Variants in IRF7 observed in about 807,000 individuals in gnomAD.
The protein encoded by IRF7 is interferon regulatory factor-7H.
IRF7 carries 67 observed loss-of-function variants against 51.3 expected under a neutral mutation model. The ratio of observed to expected loss-of-function variants is 1.31; its 90% CI spans 1.07 to 1.60. The LOEUF is 1.60. Among genes scored for constraint, IRF7 ranks in the 40% most tolerant of loss-of-function variants. The pLI, the probability that IRF7 is intolerant of heterozygous loss-of-function variation, is 0.00. For missense variants in IRF7, 873 were observed against 701.5 expected, an observed-to-expected ratio of 1.24 and a Z score of -2.76; for synonymous variants, 427 against 301.3, an observed-to-expected ratio of 1.42 and a Z score of -4.32.
intron 8 of IRF7, 63 bp from the exon 9 acceptor site, chr11:613,658 TGGGCGGGGAC>T (rs1856593787): frequency 5.1e-6 from 1 of 197,664 alleles, no homozygotes; most frequent in Non-Finnish European, 8.0e-6. Context: ...GTGACGGGGG[TGGGCGGGGAC>T]AGGATGTGAG....
At position 613,113 on chromosome 11, in the gene IRF7, C is replaced by G; in HGVS notation, c.1242G>C (p.Leu414=). 6.2e-7 allele frequency: 1 copy of G among 1,612,902 alleles called. No homozygotes were observed. Among genetic ancestry groups the G allele is most frequent in the Non-Finnish European group, 8.5e-7 (1 of 1,179,888 alleles). ...IFDFRVFFQE[L]VEFRARQRRG... is the part of the protein sequence containing the mutation. ...GGCGCTGCCGTGCCCGGAATTCCAC[C>G]AGCTCTGAAGAAGGGGACTCTGCTG... Residue 414 remains leucine, a synonymous_variant, in exon 10 of 11, where the codon CTG becomes CTC. Coordinates refer to ENST00000525445, the MANE Select transcript of IRF7 (RefSeq NM_001572.5).
rs750744211 is a variant in IRF7, at chr11:614,527, T to C, written c.402A>G (p.Pro134=). Residue 134 remains proline, a synonymous_variant, in exon 5 of 11, where the codon CCA becomes CCG. Transcript: ENST00000525445. ...LSRELCWREG[P]GTDQTEAEAP... is the part of the protein sequence containing the mutation. ...CCTCTGCCTCAGTCTGGTCCGTGCC[T>C]GGGCCTTCTGAGAGAGAATGGGGCA... 1.4e-5 allele frequency: 22 copies of C among 1,553,840 alleles called. No homozygotes were observed. The Admixed American group carries it at 3.7e-4, about 26-fold the overall frequency.
In IRF7 at chr11:613,186, C is replaced by G. The variant is rs1425489891; in HGVS notation, c.1237+20G>C. On this transcript the variant is annotated intron_variant, in intron 9 of 10. Transcript: ENST00000525445. ...CCAAGGACCCCTGGAGACAGCCCCC[C>G]AGGCAAGGGCCTCACTGACCTTGGA... is the stretch of plus-strand genomic sequence containing the variant. 2 of 1,593,254 alleles carry G rather than the reference C, an allele frequency of 1.3e-6. No individual in the cohort carries two copies. Among genetic ancestry groups the G allele is most frequent in the South Asian group, 1.1e-5 (1 of 89,666 alleles).
chr11:612,570 T>A lies in IRF7; in HGVS notation c.*75A>T. 6.4e-7 allele frequency: 1 copy of A among 1,556,360 alleles called. No individual in the cohort carries two copies. Among genetic ancestry groups the A allele is most frequent in the Non-Finnish European group, 8.8e-7 (1 of 1,142,710 alleles). On this transcript the variant is annotated 3_prime_UTR_variant, in exon 11 of 11. Transcript: ENST00000525445. Reference sequence around the variant, plus strand: ...TGCCAGTACGTGTTCTGGAGTTCTTTTTATTAGACTGGGCGGCCGCGGCCA... The same window carrying A: ...TGCCAGTACGTGTTCTGGAGTTCTTATTATTAGACTGGGCGGCCGCGGCCA...
Position 615,453 on chromosome 11 carries a change from C to T in IRF7, c.-89G>A. On this transcript the variant is annotated 5_prime_UTR_variant, in exon 2 of 11. Transcript: ENST00000525445. Reference sequence around the variant, plus strand: ...TGTCGCAGCAGACGCCAGGCCGCGGCCACAGGTCGTGTGGCCAGGTGTCAC... The same window carrying T: ...TGTCGCAGCAGACGCCAGGCCGCGGTCACAGGTCGTGTGGCCAGGTGTCAC... The T allele has an allele frequency of 2.1e-6, 3 of 1,407,202 alleles. No individual in the cohort carries two copies. The highest frequency in any genetic ancestry group is 2.5e-5 in the East Asian group (1 of 39,874). 87.2% of individuals were successfully genotyped at this position (1,407,202 alleles called of 1,614,324 possible).
Position 613,411 on chromosome 11 carries a change from G to C in IRF7, c.1032C>G (p.Arg344=). 6.3e-7 allele frequency: 1 copy of C among 1,576,932 alleles called. No homozygotes were observed. The highest frequency in any genetic ancestry group is 1.2e-5 in the South Asian group (1 of 86,662). Reference sequence around the variant, plus strand: ...CGTGCCGCAGCAGTTCCTCCGTGTAGCGCAGCTGCTTCTGGTCCGGGAGCT... The same window carrying C: ...CGTGCCGCAGCAGTTCCTCCGTGTACCGCAGCTGCTTCTGGTCCGGGAGCT... The part of the protein sequence containing the change: ...PAELPDQKQL[R]YTEELLRHVA... Residue 344 remains arginine, a synonymous_variant, in exon 9 of 11, where the codon CGC becomes CGG. Transcript: ENST00000525445.
chr11:613,155 G>A (rs1312619154), intron 9 of IRF7, 38 bp from the exon 10 acceptor site: 5 of 1,606,560 alleles, frequency 3.1e-6, no homozygotes, highest in Middle Eastern at 1.7e-4. Flanking sequence ...TGGCAGGCAG[G>A]TGCTCCCAAG....
chr11:614,321 C>T lies in IRF7; in HGVS notation c.532G>A (p.Asp178Asn). ...APGPLPAPAG[D>N]KGDLLLQAVQ... ...GCCTGGAGCAGGAGGTCCCCCTTGT[C>T]ACCAGCTGGGGCAGGGAGGGGGCCT... The change falls in exon 6 of 11, where the codon GAC becomes AAC. Residue 178 changes from aspartate (D) to asparagine (N), a missense_variant. Transcript: ENST00000525445. 6.2e-7 allele frequency: 1 copy of T among 1,611,502 alleles called. No individual in the cohort carries two copies.
At chr11:615,319 C>A in intron 2 of IRF7, 26 bp downstream of exon 2, 1 of 1,565,052 alleles carries the variant, frequency 6.4e-7, no homozygotes. Context: ...GGACTGGCAT[C>A]TGGAGAGGGT....
chr11:614,407 G>T lies in IRF7; in HGVS notation c.454-8C>A, dbSNP rs1489281593. 1 of 1,596,836 alleles carries T rather than the reference G, an allele frequency of 6.3e-7. No homozygotes were observed. The highest frequency in any genetic ancestry group is 1.3e-5 in the African/African-American group (1 of 74,852). ...TGGCCCTGGGGGCCCACCCTGCAGGGAAAAGTCAGGGTGAACGTAAGCAGC... is the reference window on the plus strand; with the variant it reads ...TGGCCCTGGGGGCCCACCCTGCAGGTAAAAGTCAGGGTGAACGTAAGCAGC... On this transcript the variant is annotated splice_polypyrimidine_tract_variant and splice_region_variant and intron_variant, in intron 5 of 10. Transcript: ENST00000525445.
In IRF7 at chr11:613,860, C is replaced by G; in HGVS notation, c.772G>C (p.Ala258Pro). 1 of 1,598,932 alleles carries G rather than the reference C, an allele frequency of 6.3e-7. No homozygotes were observed. Among genetic ancestry groups the G allele is most frequent in the Non-Finnish European group, 8.5e-7 (1 of 1,174,210 alleles). ...PQPAALTTGEAAAPESPHQAE... is the reference protein window; with the variant it reads ...PQPAALTTGEPAAPESPHQAE... Reference sequence around the variant, plus strand: ...TGGTGCGGGGACTCTGGGGCCGCGGCCTCGCCTGCATCCGGAAGGGAATCC... The same window carrying G: ...TGGTGCGGGGACTCTGGGGCCGCGGGCTCGCCTGCATCCGGAAGGGAATCC... The change falls in exon 8 of 11, where the codon GCC becomes CCC. Residue 258 changes from alanine (A) to proline (P), a missense_variant. By Grantham distance (27) the Ala-to-Pro change is conservative. Transcript: ENST00000525445.
chr11:614,721 A>G (rs1856717198), intron 4 of IRF7, 76 bp downstream of exon 4: 4 of 1,468,588 alleles, frequency 2.7e-6, no homozygotes, highest in Non-Finnish European at 3.6e-6. Context: ...CTAAAACCAC[A>G]AATCTGACCC....
In IRF7 at chr11:614,868, A is replaced by C; in HGVS notation, c.323T>G (p.Leu108Arg). 5.7e-6 allele frequency: 9 copies of C among 1,576,230 alleles called. No homozygotes were observed. The highest frequency in any genetic ancestry group is 7.7e-6 in the Non-Finnish European group (9 of 1,162,846). ...GGCCGGGTCCCCCGAGTTATCCCGCAGCATCACGAAGCGACGCGTGCTGCG... is the reference window on the plus strand; with the variant it reads ...GGCCGGGTCCCCCGAGTTATCCCGCCGCATCACGAAGCGACGCGTGCTGCG... ...ALRSTRRFVM[L>R]RDNSGDPADP... Residue 108 changes from leucine to arginine, a missense_variant, in exon 4 of 11, where the codon CTG becomes CGG. By Grantham distance (102) the Leu-to-Arg change is moderately radical. Transcript: ENST00000525445.
Position 613,082 on chromosome 11 carries a change from A to T in IRF7, c.1273T>A (p.Ser425Thr). Residue 425 changes from serine to threonine, a missense_variant, in exon 10 of 11, where the codon TCC becomes ACC. Coordinates refer to ENST00000525445, the MANE Select transcript of IRF7 (RefSeq NM_001572.5). Reference sequence around the variant, plus strand: ...CCCAGGTAGATGGTATAGCGTGGGGAGCCACGGCGCTGCCGTGCCCGGAAT... The same window carrying T: ...CCCAGGTAGATGGTATAGCGTGGGGTGCCACGGCGCTGCCGTGCCCGGAAT... The part of the protein sequence containing the change: ...VEFRARQRRG[S>T]PRYTIYLGFG... The T allele has an allele frequency of 6.2e-7, 1 of 1,612,964 alleles. No homozygotes were observed. The highest frequency in any genetic ancestry group is 8.5e-7 in the Non-Finnish European group (1 of 1,179,950).
Position 614,241 on chromosome 11 carries a change from A to C in IRF7, c.612T>G (p.Asp204Glu). 6.2e-7 allele frequency: 1 copy of C among 1,612,862 alleles called. No individual in the cohort carries two copies. Among genetic ancestry groups the C allele is most frequent in the Non-Finnish European group, 8.5e-7 (1 of 1,179,846 alleles). ...CTCCAGGAGCCTTGGTTGGGACTGG[A>C]TCTGCCCCCCATGACGCTGTCAGCA... ...DHLLTASWGA[D>E]PVPTKAPGEG... Residue 204 changes from aspartate (D) to glutamate (E), a missense_variant, in exon 6 of 11, where the codon GAT (aspartate) becomes GAG (glutamate). Physicochemically the swap from Asp to Glu is conservative, Grantham distance 45. Transcript: ENST00000525445.
Position 613,816 on chromosome 11 carries a change from T to C in IRF7, c.816A>G (p.Ser272=), listed in dbSNP as rs1251480304. ...CCGCGGTGCAGGCGCTTGGGGAGGG[T>C]GACAGGTACGGCTCTGCCTGGTGCG... ...ESPHQAEPYL[S]PSPSACTAVQ... is the part of the protein sequence containing the mutation. The change falls in exon 8 of 11, where the codon TCA becomes TCG. Residue 272 remains serine, a synonymous_variant. Transcript: ENST00000525445. The C allele has an allele frequency of 6.4e-7, 1 of 1,574,562 alleles. No homozygotes were observed. Among genetic ancestry groups the C allele is most frequent in the Non-Finnish European group, 8.6e-7 (1 of 1,168,048 alleles).
In IRF7 at chr11:615,648, C is replaced by T. The variant is rs1305471635; in HGVS notation, c.-283-1G>A. 5.0e-6 allele frequency: 2 copies of T among 403,840 alleles called. No homozygotes were observed. The highest frequency in any genetic ancestry group is 8.7e-6 in the Non-Finnish European group (2 of 228,860). The allele number at this position is 403,840 out of a possible 1,614,324, so 25.0% of individuals were successfully genotyped here. On this transcript the variant is annotated splice_acceptor_variant, in intron 1 of 10. Transcript: ENST00000525445. LOFTEE classifies it low-confidence loss of function (5UTR_SPLICE). ...CTGGCGGGAAGGCGCAGGCCGGACC[C>T]TGCGGAGACGGGAAAGGCGACGTCA...
At chr11:615,075 G>T in intron 3 of IRF7, 22 bp downstream of exon 3, 1 of 1,566,238 alleles carries the variant, frequency 6.4e-7, no homozygotes, top group Non-Finnish European at 8.6e-7. Flanking sequence ...CACCCGGGGC[G>T]GGGCGGGGCT....
At position 613,221 on chromosome 11, in the gene IRF7, T is replaced by C; in HGVS notation, c.1222A>G (p.Arg408Gly). Residue 408 changes from arginine (R) to glycine (G), a missense_variant, in exon 9 of 11, where the codon AGA (arginine) becomes GGA (glycine). Arg to Gly is a moderately radical substitution (Grantham distance 125, BLOSUM62 -2). Coordinates refer to ENST00000525445, the MANE Select transcript of IRF7 (RefSeq NM_001572.5). ...RNCDTPIFDF[R>G]VFFQELVEFR... The stretch of plus-strand genomic sequence containing the variant: ...CCTCACTGACCTTGGAAGAAGACTC[T>C]GAAGTCGAAGATGGGGGTGTCACAG... 1.3e-6 allele frequency: 2 copies of C among 1,589,804 alleles called. No individual in the cohort carries two copies. The highest frequency in any genetic ancestry group is 1.7e-6 in the Non-Finnish European group (2 of 1,167,326).
Sources: allele counts gnomAD v4.1 joint callset, GRCh38; gene constraint gnomAD v4.1.1; transcripts MANE v1.5; gene names NCBI Gene and HGNC (gene_info 2026-07-23, HGNC 2026-07-21).